DOCK3: variants seen among roughly 807,000 people sequenced by gnomAD.
DOCK3 encodes dedicator of cytokinesis protein 3.
In DOCK3, 60 loss-of-function variants were observed where a neutral mutation model predicts 265.6. That is an observed-to-expected ratio of 0.23 (90% CI 0.18 to 0.28). The LOEUF (loss-of-function observed/expected upper bound fraction) is 0.28, where lower values mean the gene tolerates loss of function less well. Ranked by LOEUF, DOCK3 falls within the 10% of genes least tolerant of loss-of-function variation. The pLI is 1.00. For missense variants in DOCK3, 1,981 were observed against 2,594.3 expected, an observed-to-expected ratio of 0.76 and a Z score of 5.14; for synonymous variants, 881 against 938.0, an observed-to-expected ratio of 0.94 and a Z score of 1.11.
intron 1 of DOCK3, among the ~76,000 whole-genome samples, chr3:50,740,909 T>C (rs2038975275): frequency 1.3e-5 from 2 of 152,116 alleles, no homozygotes; most frequent in Non-Finnish European, 2.9e-5. Context: ...TCACAGTGTG[T>C]AGCCATCACC....
chr3:50,815,669 C>G (rs1172107416), intron 2 of DOCK3, among the ~76,000 whole-genome samples: 1 of 151,358 alleles, frequency 6.6e-6, no homozygotes, highest in Non-Finnish European at 1.5e-5. Context: ...TTAGTTTGCT[C>G]TCATGCTTTA....
intron 1 of DOCK3, among the ~76,000 whole-genome samples, chr3:50,723,073 T>A (rs1011613821): frequency 6.6e-6 from 1 of 152,128 alleles, no homozygotes; most frequent in African/African-American, 2.4e-5. Context: ...ATGCCTGGCC[T>A]CAGATGGAGA....
chr3:51,307,329 C>G (rs2082739075), intron 27 of DOCK3, among the ~76,000 whole-genome samples: 1 of 152,084 alleles, frequency 6.6e-6, no homozygotes, highest in African/African-American at 2.4e-5. Context: ...GTTTCCCAAG[C>G]TGGTTCCAAA....
intron 4 of DOCK3, chr3:50,900,889 C>G (rs1467037322): frequency 2.3e-6 from 1 of 430,322 alleles, no homozygotes; most frequent in African/African-American, 2.1e-5. Flanking sequence ...AGCCAGAGCT[C>G]TCCTGTATGA....
chr3:51,294,635 G>A (rs971133286), intron 27 of DOCK3, among the ~76,000 whole-genome samples: 5 of 146,880 alleles, frequency 3.4e-5, no homozygotes, highest in Admixed American at 7.4e-5. Context: ...CCAAGATCGC[G>A]CCACTGCACT....
intron 4 of DOCK3, among the ~76,000 whole-genome samples, chr3:50,902,954 C>G (rs886991187): frequency 6.6e-6 from 1 of 152,156 alleles, no homozygotes; most frequent in African/African-American, 2.4e-5. Flanking sequence ...AGAGTTCATT[C>G]ATGATTTGGC....
At chr3:51,241,994 G>T (rs1365376222) in intron 21 of DOCK3, among the ~76,000 whole-genome samples, 1 of 152,122 alleles carries the variant, frequency 6.6e-6, no homozygotes, top group African/African-American at 2.4e-5. Flanking sequence ...AGGAAAGAAG[G>T]CTTTTTGAGT....
At chr3:50,872,117 G>A (rs1160455502) in intron 3 of DOCK3, among the ~76,000 whole-genome samples, 1 of 152,146 alleles carries the variant, frequency 6.6e-6, no homozygotes, top group Admixed American at 6.5e-5. Flanking sequence ...TCTGTGGTAG[G>A]CATTGAAGAG....
chr3:50,879,580 C>T (rs1207381288), intron 3 of DOCK3, among the ~76,000 whole-genome samples: 5 of 152,138 alleles, frequency 3.3e-5, no homozygotes, highest in Non-Finnish European at 5.9e-5. Context: ...GAAGAGCTGA[C>T]CAGCCTAAAT....
At chr3:51,045,526 G>T (rs1295289934) in intron 5 of DOCK3, among the ~76,000 whole-genome samples, 2 of 152,236 alleles carry the variant, frequency 1.3e-5, no homozygotes, top group African/African-American at 4.8e-5. Context: ...TGGAACAATG[G>T]AGCTGATAGA....
chr3:51,153,816 T>C (rs1481552913), intron 10 of DOCK3, among the ~76,000 whole-genome samples: 1 of 152,256 alleles, frequency 6.6e-6, no homozygotes. Context: ...TCTGATTTAC[T>C]AATTTGTTTT....
intron 1 of DOCK3, among the ~76,000 whole-genome samples, chr3:50,701,216 G>A (rs1215131493): frequency 1.4e-5 from 2 of 147,918 alleles, no homozygotes; most frequent in Admixed American, 7.0e-5. Flanking sequence ...CTGCAGCCTC[G>A]AATTCCTGGG....
rs1239304748 is a variant in DOCK3, at chr3:50,683,844, C to G, written c.37+8544C>G. 8.5e-5 allele frequency among the ~76,000 whole-genome samples: 10 copies of G among 117,866 alleles called. 1 individual carries two copies. The highest frequency in any genetic ancestry group is 1.9e-4 in the African/African-American group (6 of 30,954). The allele number at this position is 117,866 out of a possible 152,430, so 77.3% of individuals were successfully genotyped here. ...TCCCCTCCCCGCTCTCCTCCCCCCCCCCCACCCACTCCCTCTCCCCTCTCC... is the reference window on the plus strand; with the variant it reads ...TCCCCTCCCCGCTCTCCTCCCCCCCGCCCACCCACTCCCTCTCCCCTCTCC... On this transcript the variant is annotated intron_variant, in intron 1 of 52. Coordinates refer to ENST00000266037, the MANE Select transcript of DOCK3 (RefSeq NM_004947.5).
chr3:50,928,580 G>A (rs749900863), intron 4 of DOCK3, among the ~76,000 whole-genome samples: 12 of 151,902 alleles, frequency 7.9e-5, no homozygotes, highest in Non-Finnish European at 1.2e-4. Flanking sequence ...AATAGTTTTC[G>A]TTTGCAAGTT....
intron 12 of DOCK3, among the ~76,000 whole-genome samples, chr3:51,194,524 G>C (rs1389418223): frequency 6.6e-6 from 1 of 152,054 alleles, no homozygotes. Flanking sequence ...AACTATTATT[G>C]TTTTGCAGTT....
At chr3:51,288,118 T>C (rs1255142802) in intron 27 of DOCK3, among the ~76,000 whole-genome samples, 2 of 152,104 alleles carry the variant, frequency 1.3e-5, no homozygotes, top group African/African-American at 2.4e-5. Flanking sequence ...ACAGGCAGGC[T>C]CAGTGGCTCA....
intron 1 of DOCK3, among the ~76,000 whole-genome samples, chr3:50,698,338 A>G (rs2035769197): frequency 6.6e-6 from 1 of 152,062 alleles, no homozygotes; most frequent in Non-Finnish European, 1.5e-5. Flanking sequence ...ATGTTTTAGC[A>G]TATATCAATA....
At chr3:51,317,722 A>C (rs899776911) in intron 32 of DOCK3, among the ~76,000 whole-genome samples, 1 of 151,628 alleles carries the variant, frequency 6.6e-6, no homozygotes, top group South Asian at 2.1e-4. Context: ...TGATTTAATC[A>C]TTTCACAATG....
intron 19 of DOCK3, among the ~76,000 whole-genome samples, chr3:51,234,408 A>G (rs948000571): frequency 1.3e-5 from 2 of 152,198 alleles, no homozygotes; most frequent in African/African-American, 4.8e-5. Flanking sequence ...TCAGAGATAC[A>G]TGGTTTGGAA....
Sources: allele counts gnomAD v4.1 joint callset (sites outside exome capture counted in the v4.1 genomes callset), GRCh38; gene constraint gnomAD v4.1.1; transcripts MANE v1.5; gene names NCBI Gene and HGNC (gene_info 2026-07-23, HGNC 2026-07-21).